The following MTHFD1L variants were observed in gnomAD, a reference collection of about 807,000 sequenced individuals.
MTHFD1L encodes the protein monofunctional C1-tetrahydrofolate synthase, mitochondrial.
Under a neutral mutation model 119.5 loss-of-function variants are expected in MTHFD1L, and 81 were observed. The observed-to-expected ratio is 0.68, with a 90% confidence interval of 0.57 to 0.82. The LOEUF (loss-of-function observed/expected upper bound fraction) is 0.82, where lower values mean the gene tolerates loss of function less well. Among genes scored for constraint, MTHFD1L ranks in the 40% least tolerant of loss-of-function variants. The pLI, the probability that MTHFD1L is intolerant of heterozygous loss-of-function variation, is 0.00. For synonymous variants in MTHFD1L, 430 were observed against 475.2 expected (o/e 0.90, Z 1.24); for missense variants, 1,125 against 1,253.4 (o/e 0.90, Z 1.55).
At chr6:150,884,152 T>C (rs1781830044) in intron 5 of MTHFD1L, among the ~76,000 whole-genome samples, 1 of 151,072 alleles carries the variant, frequency 6.6e-6, no homozygotes, top group African/African-American at 2.4e-5. Context: ...TTTTTTTTTT[T>C]TTTTTTTGAG....
intron 20 of MTHFD1L, among the ~76,000 whole-genome samples, chr6:151,008,959 A>G (rs1691201941): frequency 6.6e-6 from 1 of 151,174 alleles, no homozygotes; most frequent in Admixed American, 6.6e-5. Context: ...TCTACTAACA[A>G]TAAAAAAAAA....
At chr6:150,877,114 A>G (rs889791327) in intron 2 of MTHFD1L, among the ~76,000 whole-genome samples, 6 of 152,110 alleles carry the variant, frequency 3.9e-5, no homozygotes, top group Admixed American at 2.6e-4. Flanking sequence ...GTGCAGTGGC[A>G]TGATCTTGGC....
At chr6:151,086,197 T>A (rs1191004939) in intron 26 of MTHFD1L, among the ~76,000 whole-genome samples, 1 of 151,710 alleles carries the variant, frequency 6.6e-6, no homozygotes, top group African/African-American at 2.4e-5. Context: ...CCCAGGAGAG[T>A]CCATCTCTAC....
intron 7 of MTHFD1L, among the ~76,000 whole-genome samples, chr6:150,891,064 C>A (rs777917629): frequency 6.6e-6 from 1 of 152,214 alleles, no homozygotes; most frequent in Non-Finnish European, 1.5e-5. Flanking sequence ...CGGCTCACTG[C>A]AACCTCTGTC....
At chr6:151,082,179 ATGAG>A (rs1793257083) in intron 26 of MTHFD1L, among the ~76,000 whole-genome samples, 1 of 152,240 alleles carries the variant, frequency 6.6e-6, no homozygotes, top group South Asian at 2.1e-4. Flanking sequence ...CGGCTGATGA[ATGAG>A]TATGTCGCAA....
intron 27 of MTHFD1L, 31 bp from the exon 28 acceptor site, chr6:151,101,495 C>T (rs1795367209): frequency 6.6e-6 from 1 of 152,576 alleles, no homozygotes. Flanking sequence ...TCTTAAACTA[C>T]TCAAACATGG....
intron 26 of MTHFD1L, among the ~76,000 whole-genome samples, chr6:151,072,928 CA>C (rs1304567978): frequency 6.6e-6 from 1 of 152,132 alleles, no homozygotes; most frequent in Non-Finnish European, 1.5e-5. Context: ...CCACTTGAAA[CA>C]AGTAAAAAAC....
intron 26 of MTHFD1L, among the ~76,000 whole-genome samples, chr6:151,086,780 T>C (rs1294118677): frequency 6.6e-6 from 1 of 152,190 alleles, no homozygotes; most frequent in African/African-American, 2.4e-5. Context: ...TCCTCCTACC[T>C]GAGCCTCTCA....
At chr6:150,982,897 G>A (rs529243340) in intron 20 of MTHFD1L, among the ~76,000 whole-genome samples, 5 of 152,034 alleles carry the variant, frequency 3.3e-5, no homozygotes, top group African/African-American at 7.2e-5. Flanking sequence ...ATGGGGTTTC[G>A]CCAAGTTGAC....
At chr6:150,868,637 A>C (rs1403536407) in intron 1 of MTHFD1L, among the ~76,000 whole-genome samples, 1 of 152,094 alleles carries the variant, frequency 6.6e-6, no homozygotes, top group Non-Finnish European at 1.5e-5. Context: ...ATGCCCAGCA[A>C]TATTTTTACA....
chr6:151,092,651 C>CT, intron 27 of MTHFD1L, 64 bp downstream of exon 27: 3 of 994,236 alleles, frequency 3.0e-6, no homozygotes, highest in South Asian at 1.6e-5. Flanking sequence ...CTTTTTTTGT[C>CT]ATTTTTTTTT....
At chr6:150,870,230 T>C (rs1352995557) in intron 1 of MTHFD1L, among the ~76,000 whole-genome samples, 2 of 152,254 alleles carry the variant, frequency 1.3e-5, no homozygotes, top group Non-Finnish European at 2.9e-5. Flanking sequence ...CAAGGCCATT[T>C]TTCTGCCCCA....
intron 20 of MTHFD1L, among the ~76,000 whole-genome samples, chr6:151,001,585 G>C (rs1472427411): frequency 1.3e-5 from 2 of 152,146 alleles, no homozygotes; most frequent in African/African-American, 4.8e-5. Context: ...ATCCAGCGAA[G>C]GGAGAGCTGG....
intron 20 of MTHFD1L, among the ~76,000 whole-genome samples, chr6:150,998,693 A>G (rs1780161354): frequency 6.6e-6 from 1 of 150,436 alleles, no homozygotes; most frequent in Admixed American, 6.7e-5. Flanking sequence ...ACTATTGTCC[A>G]GGGCCAGGCA....
At position 151,033,544 on chromosome 6, in the gene MTHFD1L, C is replaced by T. The variant is rs551553075; in HGVS notation, c.2587-949C>T. The stretch of plus-strand genomic sequence containing the variant: ...GAATCATTCTTGTTTCTGAAGATCC[C>T]TTGCCGTATGCTATCAATAGTCTGT... On this transcript the variant is annotated intron_variant, in intron 24 of 27. Coordinates refer to ENST00000367321, the MANE Select transcript of MTHFD1L (RefSeq NM_015440.5). Among the ~76,000 whole-genome samples the T allele has an allele frequency of 4.9e-4, 75 of 152,284 alleles. 3 individuals are homozygous for T. The South Asian group carries it at 0.015, about 30-fold the overall frequency.
chr6:151,020,455 T>G (rs190406209), intron 24 of MTHFD1L, among the ~76,000 whole-genome samples: 1 of 152,284 alleles, frequency 6.6e-6, no homozygotes, highest in Admixed American at 6.5e-5. Flanking sequence ...TATAGAAAAC[T>G]GACTTCAGCA....
At chr6:150,910,362 G>A (rs982919822) in intron 8 of MTHFD1L, among the ~76,000 whole-genome samples, 21 of 151,262 alleles carry the variant, frequency 1.4e-4, no homozygotes, top group African/African-American at 4.6e-4. Context: ...TGGGGAGTTC[G>A]AGACCAGCCT....
chr6:150,993,792 A>G (rs1779369460), intron 20 of MTHFD1L, among the ~76,000 whole-genome samples: 1 of 152,082 alleles, frequency 6.6e-6, no homozygotes, highest in East Asian at 1.9e-4. Context: ...GGGGGTGTCA[A>G]TTAAAGAGTT....
At chr6:151,082,936 G>A (rs1793349821) in intron 26 of MTHFD1L, among the ~76,000 whole-genome samples, 1 of 152,168 alleles carries the variant, frequency 6.6e-6, no homozygotes, top group Non-Finnish European at 1.5e-5. Context: ...TGAAAGTCTT[G>A]ATCTGGTTCC....
Sources: gnomAD v4.1 joint callset for allele counts (sites outside exome capture counted in the v4.1 genomes callset) on GRCh38, gnomAD v4.1.1 for gene constraint, MANE v1.5 for transcripts, NCBI Gene and HGNC (gene_info 2026-07-23, HGNC 2026-07-21) for gene names.